Variants in PTPN1 observed in about 807,000 individuals in gnomAD.
The protein encoded by PTPN1 is protein tyrosine phosphatase non-receptor type 1, also known as tyrosine-protein phosphatase non-receptor type 1.
PTPN1 carries 12 observed loss-of-function variants against 59.9 expected under a neutral mutation model. That is an observed-to-expected ratio of 0.20 (90% CI 0.13 to 0.32). PTPN1 has a LOEUF of 0.32. Among genes scored for constraint, PTPN1 ranks in the 10% least tolerant of loss-of-function variants. The pLI is 1.00. For missense variants in PTPN1, 356 were observed against 549.2 expected (o/e 0.65, Z 3.52); for synonymous variants, 178 against 203.6 (o/e 0.87, Z 1.07).
At chr20:50,544,204 A>G (rs914212197) in intron 1 of PTPN1, among the ~76,000 whole-genome samples, 5 of 151,990 alleles carry the variant, frequency 3.3e-5, no homozygotes, top group Non-Finnish European at 7.4e-5. Context: ...AGGCTGAAGT[A>G]CAGTGGCCCA....
chr20:50,575,948 A>T (rs1018742985), intron 5 of PTPN1, among the ~76,000 whole-genome samples: 1 of 152,190 alleles, frequency 6.6e-6, no homozygotes, highest in African/African-American at 2.4e-5. Context: ...AATAAAAAAA[A>T]TAGTAGAAGT....
At chr20:50,563,673 A>G (rs1170549392) in intron 2 of PTPN1, among the ~76,000 whole-genome samples, 3 of 152,194 alleles carry the variant, frequency 2.0e-5, no homozygotes, top group East Asian at 1.9e-4. Flanking sequence ...CTTCTTTAGA[A>G]CAAAAAGCCC....
intron 4 of PTPN1, chr20:50,572,286 A>G (rs777412817): frequency 1.3e-5 from 2 of 152,248 alleles, no homozygotes; most frequent in African/African-American, 2.4e-5. Context: ...ATGGCCGTAT[A>G]TATCAATGTA....
intron 8 of PTPN1, 54 bp from the exon 9 acceptor site, chr20:50,581,211 T>G: frequency 6.5e-7 from 1 of 1,537,066 alleles, no homozygotes; most frequent in South Asian, 1.2e-5. Context: ...GCAGCATCCT[T>G]GCCATTCATT....
intron 1 of PTPN1, among the ~76,000 whole-genome samples, chr20:50,544,613 A>G (rs1172053372): frequency 1.3e-5 from 2 of 152,208 alleles, no homozygotes; most frequent in East Asian, 1.9e-4. Context: ...ACAAATCACT[A>G]TGTCTGGGAA....
At position 50,510,454 on chromosome 20, in the gene PTPN1, G is replaced by A; in HGVS notation, c.-74G>A. 3 of 1,510,918 alleles carry A rather than the reference G, an allele frequency of 2.0e-6. No individual in the cohort carries two copies. The Admixed American group carries it at 6.2e-5, about 31-fold the overall frequency. 93.6% of individuals were successfully genotyped at this position (1,510,918 alleles called of 1,614,324 possible). A position where few individuals can be genotyped will look rare whatever the true frequency, so the allele number is the denominator to read the frequency against. On this transcript the variant is annotated 5_prime_UTR_variant, in exon 1 of 10. Coordinates refer to ENST00000371621, the MANE Select transcript of PTPN1 (RefSeq NM_002827.4). ...GGATTGCAGCGGGCCTCGGGGCTAA[G>A]AGCGCGACGCGGCCTAGAGCGGCAG... is the stretch of plus-strand genomic sequence containing the variant.
At chr20:50,532,717 GGT>G (rs140157780) in intron 1 of PTPN1, among the ~76,000 whole-genome samples, 2 of 151,766 alleles carry the variant, frequency 1.3e-5, no homozygotes, top group Non-Finnish European at 2.9e-5. Flanking sequence ...TGGATGATGG[GGT>G]GTGTGTGTGT....
chr20:50,520,874 T>A (rs2082548209), intron 1 of PTPN1, among the ~76,000 whole-genome samples: 1 of 152,166 alleles, frequency 6.6e-6, no homozygotes, highest in African/African-American at 2.4e-5. Flanking sequence ...TAAAATGTAG[T>A]CATTAGACTA....
At chr20:50,567,777 C>T (rs2082785973) in intron 3 of PTPN1, among the ~76,000 whole-genome samples, 1 of 152,318 alleles carries the variant, frequency 6.6e-6, no homozygotes, top group African/African-American at 2.4e-5. Flanking sequence ...CGTCAGGGTC[C>T]TCATTGCTGA....
chr20:50,561,490 C>T (rs766045544), intron 2 of PTPN1, 37 bp downstream of exon 2: 1 of 1,408,478 alleles, frequency 7.1e-7, no homozygotes, highest in Non-Finnish European at 9.9e-7. Context: ...TCTTGCTCTT[C>T]CTTTGCTGCA....
chr20:50,521,017 C>T lies in PTPN1; in HGVS notation c.63+10427C>T, dbSNP rs149579932. Among the ~76,000 whole-genome samples, 1,039 of 152,226 alleles carry T rather than the reference C, an allele frequency of 6.8e-3. 9 individuals are homozygous for T. The highest frequency in any genetic ancestry group is 0.024 in the African/African-American group (1,000 of 41,528). ...GCCTTACTCATGCTAGATATGGTAG[C>T]ATTATATGGCTGTGCCTGATCCCCC... On this transcript the variant is annotated intron_variant, in intron 1 of 9. Transcript: ENST00000371621.
intron 1 of PTPN1, among the ~76,000 whole-genome samples, chr20:50,554,352 A>G (rs553087941): frequency 1.9e-3 from 260 of 139,052 alleles, no homozygotes; most frequent in African/African-American, 6.6e-3. Flanking sequence ...GCATCACTGC[A>G]CTCCAGCCTA....
chr20:50,579,128 A>G, intron 6 of PTPN1, 40 bp from the exon 7 acceptor site: 2 of 1,606,750 alleles, frequency 1.2e-6, no homozygotes, highest in East Asian at 2.2e-5. Flanking sequence ...GCCCTTGAGA[A>G]TTGGACCTGG....
intron 1 of PTPN1, among the ~76,000 whole-genome samples, chr20:50,536,786 A>G (rs757053188): frequency 9.2e-5 from 14 of 152,152 alleles, no homozygotes; most frequent in Non-Finnish European, 1.9e-4. Context: ...TTGAGATTTT[A>G]TAAAATATTT....
At chr20:50,514,488 A>C (rs1252964391) in intron 1 of PTPN1, among the ~76,000 whole-genome samples, 1 of 152,280 alleles carries the variant, frequency 6.6e-6, no homozygotes, top group East Asian at 1.9e-4. Flanking sequence ...TGTAGATTAC[A>C]GAATCCTTTT....
intron 1 of PTPN1, among the ~76,000 whole-genome samples, chr20:50,531,491 CTCAGCCTCCTTAGTAGCTGGGATT>C (rs1163769762): frequency 6.6e-6 from 1 of 152,188 alleles, no homozygotes; most frequent in Non-Finnish European, 1.5e-5. Flanking sequence ...ATTCTCCTGC[CTCAGCCTCCTTAGTAGCTGGGATT>C]TCAGGCTCCC....
chr20:50,555,330 G>GA (rs1237541008), intron 1 of PTPN1, among the ~76,000 whole-genome samples: 1 of 152,160 alleles, frequency 6.6e-6, no homozygotes, highest in East Asian at 1.9e-4. Flanking sequence ...AGATGGTATG[G>GA]AAAAAAATGT....
Position 50,582,606 on chromosome 20 carries a change from C to CG in PTPN1, c.1285-80dup, listed in dbSNP as rs1555832774. 1.4e-6 allele frequency: 2 copies of CG among 1,443,646 alleles called. No individual in the cohort carries two copies. Among genetic ancestry groups the CG allele is most frequent in the Admixed American group, 1.9e-5 (1 of 52,906 alleles). 89.4% of individuals were successfully genotyped at this position (1,443,646 alleles called of 1,614,324 possible). A position where few individuals can be genotyped will look rare whatever the true frequency, so the allele number is the denominator to read the frequency against. ...TTGCTCCCTCGGAGGTTGAAGTTGCCGGGGGGTGTGGCCGGGGTCATGCAT... is the reference window on the plus strand; with the variant it reads ...TTGCTCCCTCGGAGGTTGAAGTTGCCGGGGGGGTGTGGCCGGGGTCATGCAT... On this transcript the variant is annotated intron_variant, in intron 9 of 9. Coordinates refer to ENST00000371621, the MANE Select transcript of PTPN1 (RefSeq NM_002827.4). The surrounding 1 kb of genome is among the most constrained non-coding windows in gnomAD (Gnocchi z 4.2).
intron 2 of PTPN1, 142 bp from the exon 3 acceptor site, chr20:50,564,827 A>C: frequency 1.6e-6 from 2 of 1,286,654 alleles, no homozygotes; most frequent in Non-Finnish European, 2.1e-6. Flanking sequence ...ACTGATGACT[A>C]ATCTCAACTA....
Sources: allele counts gnomAD v4.1 joint callset (sites outside exome capture counted in the v4.1 genomes callset), GRCh38; gene constraint gnomAD v4.1.1; non-coding constraint Gnocchi (gnomAD v3.1); transcripts MANE v1.5; gene names NCBI Gene and HGNC (gene_info 2026-07-23, HGNC 2026-07-21).